Variants in GABRB2 observed in about 807,000 individuals in gnomAD.
The protein encoded by GABRB2 is gamma-aminobutyric acid receptor subunit beta-2.
Under a neutral mutation model 54.7 loss-of-function variants are expected in GABRB2, and 16 were observed. That is an observed-to-expected ratio of 0.29 (90% CI 0.20 to 0.44). The LOEUF (loss-of-function observed/expected upper bound fraction) is 0.44, where lower values mean the gene tolerates loss of function less well. GABRB2 is among the 20% of genes least tolerant of loss of function. The probability of loss-of-function intolerance (pLI) is 1.00; values close to 1 mark genes in which losing one functional copy is unlikely to be tolerated. For missense variants in GABRB2, 355 were observed against 644.0 expected, an observed-to-expected ratio of 0.55 and a Z score of 4.86; for synonymous variants, 244 against 233.8, an observed-to-expected ratio of 1.04 and a Z score of -0.40.
chr5:161,333,095 A>G (rs1753900364), intron 7 of GABRB2, among the ~76,000 whole-genome samples: 1 of 152,236 alleles, frequency 6.6e-6, no homozygotes, highest in Admixed American at 6.5e-5. Flanking sequence ...GAAACTAGTA[A>G]TAAATTGCTC....
At chr5:161,500,684 C>A (rs1759404554) in intron 3 of GABRB2, among the ~76,000 whole-genome samples, 1 of 152,060 alleles carries the variant, frequency 6.6e-6, no homozygotes, top group Non-Finnish European at 1.5e-5. Context: ...AGTAAAAATC[C>A]ATTTCATTGC....
rs1464005783 is a variant in GABRB2, at chr5:161,452,292, T to C, written c.458+7332A>G. On this transcript the variant is annotated intron_variant, in intron 4 of 9. Transcript: ENST00000393959. ...GGAAGTGCTAAAAGGATATATGTCA[T>C]ACATTAACAAAGTCACAGAATTAAT... is the stretch of plus-strand genomic sequence containing the variant. Among the ~76,000 whole-genome samples the C allele has an allele frequency of 2.6e-5, 4 of 152,352 alleles. No homozygotes were observed. The East Asian group carries it at 7.7e-4, about 29-fold the overall frequency.
intron 3 of GABRB2, among the ~76,000 whole-genome samples, chr5:161,495,623 T>C (rs1439365185): frequency 6.6e-6 from 1 of 152,076 alleles, no homozygotes; most frequent in Non-Finnish European, 1.5e-5. Context: ...GTGAATGGCA[T>C]TCAAGGCTCA....
intron 9 of GABRB2, among the ~76,000 whole-genome samples, chr5:161,295,184 G>A (rs954776714): frequency 1.3e-5 from 2 of 152,196 alleles, no homozygotes; most frequent in Non-Finnish European, 1.5e-5. Flanking sequence ...TAGGATTAGA[G>A]AGGAAGCAAC....
At chr5:161,541,251 A>T (rs1760803727) in intron 3 of GABRB2, among the ~76,000 whole-genome samples, 1 of 151,624 alleles carries the variant, frequency 6.6e-6, no homozygotes, top group South Asian at 2.1e-4. Context: ...ATATGCTGTC[A>T]TCTGGGCTGT....
chr5:161,439,738 T>G (rs1222061094), intron 4 of GABRB2, among the ~76,000 whole-genome samples: 1 of 152,092 alleles, frequency 6.6e-6, no homozygotes, highest in East Asian at 1.9e-4. Context: ...AATGTTAAGT[T>G]GTTATCAGGT....
intron 3 of GABRB2, among the ~76,000 whole-genome samples, chr5:161,464,033 T>G (rs1758206555): frequency 6.6e-6 from 1 of 152,026 alleles, no homozygotes; most frequent in Non-Finnish European, 1.5e-5. Context: ...TGACTTTCGC[T>G]TCAGCAAAGA....
intron 4 of GABRB2, among the ~76,000 whole-genome samples, chr5:161,443,999 G>A (rs1475620072): frequency 6.6e-6 from 1 of 152,134 alleles, no homozygotes; most frequent in Admixed American, 6.6e-5. Flanking sequence ...GTTTACACTG[G>A]TATATGACTA....
chr5:161,511,001 C>G (rs1275487659), intron 3 of GABRB2, among the ~76,000 whole-genome samples: 1 of 151,878 alleles, frequency 6.6e-6, no homozygotes, highest in Non-Finnish European at 1.5e-5. Context: ...ATAACACCAA[C>G]AGTATTTTGA....
chr5:161,452,890 G>C (rs918558289), intron 4 of GABRB2, among the ~76,000 whole-genome samples: 2 of 152,278 alleles, frequency 1.3e-5, no homozygotes, highest in East Asian at 3.9e-4. Flanking sequence ...CAGCTACTCA[G>C]GAGGCTGAGG....
chr5:161,310,333 A>C (rs183636226), intron 9 of GABRB2, among the ~76,000 whole-genome samples: 10 of 152,342 alleles, frequency 6.6e-5, no homozygotes, highest in Admixed American at 2.0e-4. Context: ...AAAATAGAGA[A>C]ATGAAAGGAA....
At chr5:161,371,358 ATCTG>A (rs1755128296) in intron 5 of GABRB2, among the ~76,000 whole-genome samples, 2 of 152,316 alleles carry the variant, frequency 1.3e-5, no homozygotes, top group East Asian at 1.9e-4. Flanking sequence ...GTATGCATGC[ATCTG>A]TCTATTTTAG....
intron 4 of GABRB2, among the ~76,000 whole-genome samples, chr5:161,453,632 T>C (rs951523260): frequency 6.6e-6 from 1 of 152,208 alleles, no homozygotes; most frequent in Non-Finnish European, 1.5e-5. Flanking sequence ...CCTCCCAGTT[T>C]ATGGTATTTT....
At chr5:161,532,289 CCACT>C (rs1383053840) in intron 3 of GABRB2, among the ~76,000 whole-genome samples, 1 of 151,872 alleles carries the variant, frequency 6.6e-6, no homozygotes. Context: ...TCTGTATTAC[CCACT>C]CAGTCAGTCC....
chr5:161,477,581 G>A (rs143613008), intron 3 of GABRB2, among the ~76,000 whole-genome samples: 92 of 151,984 alleles, frequency 6.1e-4, no homozygotes, highest in African/African-American at 2.0e-3. Context: ...TGGATGACAG[G>A]ATAAACAAAA....
At chr5:161,440,620 C>T (rs997878614) in intron 4 of GABRB2, among the ~76,000 whole-genome samples, 1 of 151,824 alleles carries the variant, frequency 6.6e-6, no homozygotes, top group African/African-American at 2.4e-5. Flanking sequence ...AGATATAGGC[C>T]CCAATACAAC....
chr5:161,488,023 C>CT (rs1322096951), intron 3 of GABRB2, among the ~76,000 whole-genome samples: 2 of 151,780 alleles, frequency 1.3e-5, no homozygotes, highest in Admixed American at 1.3e-4. Context: ...CAGATGAACA[C>CT]TTTTTTATAT....
At chr5:161,484,862 A>C in intron 3 of GABRB2, among the ~76,000 whole-genome samples, 1 of 151,956 alleles carries the variant, frequency 6.6e-6, no homozygotes, top group East Asian at 1.9e-4. Flanking sequence ...TGGCCACTGC[A>C]TCACCCTGCT....
At chr5:161,328,181 T>A (rs984854357) in intron 8 of GABRB2, among the ~76,000 whole-genome samples, 1 of 152,206 alleles carries the variant, frequency 6.6e-6, no homozygotes, top group Non-Finnish European at 1.5e-5. Context: ...ACTTTAAAAC[T>A]TCTAACATAA....
Sources: allele counts gnomAD v4.1 joint callset (sites outside exome capture counted in the v4.1 genomes callset), GRCh38; gene constraint gnomAD v4.1.1; transcripts MANE v1.5; gene names NCBI Gene and HGNC (gene_info 2026-07-23, HGNC 2026-07-21).